Variants in MTCL2 observed in about 807,000 individuals in gnomAD.
MTCL2 encodes microtubule cross-linking factor 2.
the MTCL2 span, chr20:36,815,194 G>C: frequency 6.8e-6 from 11 of 1,613,856 alleles, no homozygotes; most frequent in African/African-American, 1.3e-4. This position sits in a 1 kb window ranked among gnomAD's most constrained non-coding sequence, Gnocchi z 5.3. Context: ...CCCAAGGGGG[G>C]CAGTGATGAG....
chr20:36,841,350 A>T, the MTCL2 span, among the ~76,000 whole-genome samples: 2 of 151,780 alleles, frequency 1.3e-5, no homozygotes, highest in Non-Finnish European at 2.9e-5. Flanking sequence ...CAAACCTCAG[A>T]TACTGTTAAG....
the MTCL2 span, among the ~76,000 whole-genome samples, chr20:36,798,881 T>G: frequency 6.6e-6 from 1 of 151,956 alleles, no homozygotes; most frequent in Non-Finnish European, 1.5e-5. Context: ...CCCTCAGTTC[T>G]AAAAAAAACT....
At chr20:36,857,908 G>A in the MTCL2 span, among the ~76,000 whole-genome samples, 1 of 152,068 alleles carries the variant, frequency 6.6e-6, no homozygotes, top group Non-Finnish European at 1.5e-5. Flanking sequence ...GGGTCCTCAC[G>A]GCCCTGGGCG....
chr20:36,804,881 G>C, the MTCL2 span: 1 of 1,613,428 alleles, frequency 6.2e-7, no homozygotes, highest in East Asian at 2.2e-5. Context: ...ATGTCGGCCA[G>C]TGTCTTGATG....
the MTCL2 span, chr20:36,786,496 G>T: frequency 2.2e-5 from 34 of 1,544,952 alleles, no homozygotes; most frequent in South Asian, 3.6e-5. Flanking sequence ...CACTCGCTGG[G>T]GGGGAGTGCC....
the MTCL2 span, among the ~76,000 whole-genome samples, chr20:36,810,724 C>CTCTCTCTCTCTCTT: frequency 2.1e-5 from 3 of 142,260 alleles, no homozygotes; most frequent in Admixed American, 1.4e-4. Flanking sequence ...CTCCCTCTCT[C>CTCTCTCTCTCTCTT]TCTCTCTCTC....
chr20:36,833,286 A>C, the MTCL2 span, among the ~76,000 whole-genome samples: 90 of 152,324 alleles, frequency 5.9e-4, no homozygotes, highest in Admixed American at 1.8e-3. Flanking sequence ...CCACGTGTCT[A>C]TCCCATTTGA....
chr20:36,794,655 ACT>A, the MTCL2 span: 6 of 1,609,390 alleles, frequency 3.7e-6, no homozygotes, highest in Non-Finnish European at 5.1e-6. The surrounding 1 kb of genome is among the most constrained non-coding windows in gnomAD (Gnocchi z 5.4). Context: ...CTGAGGGCAC[ACT>A]CTGGTCTACC....
the MTCL2 span, among the ~76,000 whole-genome samples, chr20:36,787,850 C>T: frequency 1.1e-3 from 154 of 144,426 alleles, 6 homozygotes; most frequent in East Asian, 0.024. Flanking sequence ...TGTGCCACTG[C>T]ACTCCAGCCT....
chr20:36,841,878 T>TGTGG, the MTCL2 span, among the ~76,000 whole-genome samples: 826 of 76,466 alleles, frequency 0.011, 18 homozygotes, highest in East Asian at 0.039. Context: ...GGGTGGGGTG[T>TGTGG]GTGTGTGTGT....
chr20:36,835,310 G>T, the MTCL2 span, among the ~76,000 whole-genome samples: 2 of 150,196 alleles, frequency 1.3e-5, no homozygotes, highest in Non-Finnish European at 2.9e-5. Flanking sequence ...CTGGGGGTTG[G>T]GGGGGGGCAC....
At chr20:36,825,980 C>A in the MTCL2 span, among the ~76,000 whole-genome samples, 327 of 148,514 alleles carry the variant, frequency 2.2e-3, 2 homozygotes, top group South Asian at 3.5e-3. Context: ...TTAAAAATTT[C>A]ACAAATAAAT....
the MTCL2 span, chr20:36,784,034 A>G: frequency 1.0e-6 from 1 of 985,590 alleles, no homozygotes; most frequent in South Asian, 4.7e-5. Flanking sequence ...TGGCAAGGAC[A>G]ATCCTGGACG....
chr20:36,859,013 A>G, the MTCL2 span, among the ~76,000 whole-genome samples: 1 of 151,514 alleles, frequency 6.6e-6, no homozygotes, highest in South Asian at 2.1e-4. Flanking sequence ...CTGGTTTCGA[A>G]CTCCTGACCT....
At chr20:36,862,970 G>T in the MTCL2 span, 2 of 1,408,890 alleles carry the variant, frequency 1.4e-6, no homozygotes, top group Non-Finnish European at 1.9e-6. Context: ...CCGACGCGCA[G>T]TCCGACACCT....
At chr20:36,837,434 C>T in the MTCL2 span, among the ~76,000 whole-genome samples, 2 of 152,186 alleles carry the variant, frequency 1.3e-5, no homozygotes, top group Admixed American at 6.5e-5. Context: ...ACACACTGAG[C>T]GCCCCTTGAC....
chr20:36,833,213 A>G, the MTCL2 span, among the ~76,000 whole-genome samples: 1 of 152,226 alleles, frequency 6.6e-6, no homozygotes, highest in Non-Finnish European at 1.5e-5. Context: ...ATTAACATCA[A>G]CAATACAAGT....
At chr20:36,790,428 CTTTTTT>C in the MTCL2 span, among the ~76,000 whole-genome samples, 76 of 101,142 alleles carry the variant, frequency 7.5e-4, no homozygotes, top group Admixed American at 4.6e-3. Context: ...ACGCCTGGCC[CTTTTTT>C]TTTTTTTTTT....
the MTCL2 span, among the ~76,000 whole-genome samples, chr20:36,856,019 G>A: frequency 6.6e-6 from 1 of 152,142 alleles, no homozygotes; most frequent in African/African-American, 2.4e-5. Context: ...ACCACTCCCA[G>A]CAAGGTGCTC....
Sources: gnomAD v4.1 joint callset for allele counts (sites outside exome capture counted in the v4.1 genomes callset) on GRCh38, gnomAD v4.1.1 for gene constraint, Gnocchi (gnomAD v3.1) non-coding constraint, MANE v1.5 for transcripts, NCBI Gene and HGNC (gene_info 2026-07-23, HGNC 2026-07-21) for gene names.